The following SCD5 variants were observed in gnomAD, a reference collection of about 807,000 sequenced individuals.
SCD5 encodes the protein stearoyl-CoA desaturase 5.
Under a neutral mutation model 30.4 loss-of-function variants are expected in SCD5, and 20 were observed. That is an observed-to-expected ratio of 0.66 (90% CI 0.46 to 0.96). The LOEUF (loss-of-function observed/expected upper bound fraction) is 0.96. Among genes scored for constraint, SCD5 ranks in the 40% least tolerant of loss-of-function variants. The pLI is 0.00. For synonymous variants in SCD5, 173 were observed against 176.4 expected (o/e 0.98, Z 0.16); for missense variants, 381 against 443.3 (o/e 0.86, Z 1.26).
chr4:82,696,841 A>G (rs1719707097), intron 2 of SCD5, among the ~76,000 whole-genome samples: 1 of 152,222 alleles, frequency 6.6e-6, no homozygotes, highest in Admixed American at 6.5e-5. Context: ...ACAGGGAGAA[A>G]TGACTTGTCA....
chr4:82,735,668 C>G (rs1319815707), intron 1 of SCD5, among the ~76,000 whole-genome samples: 1 of 152,222 alleles, frequency 6.6e-6, no homozygotes, highest in Non-Finnish European at 1.5e-5. Flanking sequence ...CACATGACTG[C>G]TGTCACTCAC....
chr4:82,700,814 AAAAAAAAAAAAG>A (rs1287720813), intron 2 of SCD5, among the ~76,000 whole-genome samples: 8 of 124,250 alleles, frequency 6.4e-5, no homozygotes, highest in African/African-American at 1.0e-4. Flanking sequence ...AAAAAAAAAA[AAAAAAAAAAAAG>A]ACATTCTCAG....
chr4:82,633,441 A>G (rs1275476472), intron 4 of SCD5, among the ~76,000 whole-genome samples: 1 of 152,220 alleles, frequency 6.6e-6, no homozygotes, highest in Non-Finnish European at 1.5e-5. Flanking sequence ...CTGTTTAAAC[A>G]TGGGAGTATA....
At chr4:82,699,135 C>T (rs547724352) in intron 2 of SCD5, among the ~76,000 whole-genome samples, 5 of 152,176 alleles carry the variant, frequency 3.3e-5, no homozygotes, top group African/African-American at 9.6e-5. Flanking sequence ...ATCTTAAAAC[C>T]ATCCCCCCAC....
chr4:82,723,721 C>T (rs1035682556), intron 1 of SCD5, among the ~76,000 whole-genome samples: 3 of 152,262 alleles, frequency 2.0e-5, no homozygotes, highest in East Asian at 1.9e-4. Context: ...AGACTCACCT[C>T]GCAGTTTACA....
At chr4:82,703,912 TC>T (rs1719912771) in intron 2 of SCD5, among the ~76,000 whole-genome samples, 1 of 152,090 alleles carries the variant, frequency 6.6e-6, no homozygotes, top group Non-Finnish European at 1.5e-5. Flanking sequence ...ATGGCTGAAG[TC>T]AAAATAAAGT....
At chr4:82,732,304 T>C (rs945175392) in intron 1 of SCD5, among the ~76,000 whole-genome samples, 3 of 152,106 alleles carry the variant, frequency 2.0e-5, no homozygotes, top group Non-Finnish European at 4.4e-5. Context: ...AGGCCAAACC[T>C]GTCTCGAACT....
At chr4:82,741,435 C>A (rs10019834) in intron 1 of SCD5, among the ~76,000 whole-genome samples, 90,239 of 151,898 alleles carry the variant, frequency 0.59, 27,159 homozygotes, top group South Asian at 0.76. Flanking sequence ...AGCCATGAGA[C>A]AGAAAACCAA....
intron 3 of SCD5, among the ~76,000 whole-genome samples, chr4:82,659,441 C>T (rs543304683): frequency 6.6e-6 from 1 of 152,290 alleles, no homozygotes; most frequent in East Asian, 1.9e-4. Flanking sequence ...AATTTTAGAT[C>T]TTTCCTGCTT....
chr4:82,685,441 G>A (rs1211560089), intron 2 of SCD5, among the ~76,000 whole-genome samples: 1 of 152,068 alleles, frequency 6.6e-6, no homozygotes, highest in African/African-American at 2.4e-5. Flanking sequence ...GGCTGGGCAC[G>A]GTGGCTCATG....
chr4:82,769,890 C>CT (rs1267728336), intron 1 of SCD5, among the ~76,000 whole-genome samples: 2 of 151,922 alleles, frequency 1.3e-5, no homozygotes, highest in South Asian at 2.1e-4. Context: ...ATTCTTGCAA[C>CT]TTTTTTATAA....
At chr4:82,726,558 G>GTT (rs11382675) in intron 1 of SCD5, among the ~76,000 whole-genome samples, 19,653 of 146,474 alleles carry the variant, frequency 0.13, 1,934 homozygotes, top group African/African-American at 0.27. Flanking sequence ...GAAAGCAGCT[G>GTT]TTTTTTTTTT....
intron 1 of SCD5, among the ~76,000 whole-genome samples, chr4:82,746,223 A>G (rs1295159142): frequency 6.6e-6 from 1 of 152,248 alleles, no homozygotes; most frequent in Non-Finnish European, 1.5e-5. Flanking sequence ...ACTGAATTAG[A>G]AAACTATGGA....
chr4:82,797,639 G>T (rs1722252907), intron 1 of SCD5, among the ~76,000 whole-genome samples: 1 of 152,066 alleles, frequency 6.6e-6, no homozygotes, highest in Admixed American at 6.5e-5. Context: ...GGGTCAGACC[G>T]CTCTCGCCAT....
chr4:82,796,167 G>A (rs1722212903), intron 1 of SCD5, among the ~76,000 whole-genome samples: 1 of 151,986 alleles, frequency 6.6e-6, no homozygotes, highest in African/African-American at 2.4e-5. Flanking sequence ...CTACTTGGGA[G>A]GCTGAAGCAG....
chr4:82,770,266 T>C (rs1404159030), intron 1 of SCD5, among the ~76,000 whole-genome samples: 3 of 152,194 alleles, frequency 2.0e-5, no homozygotes, highest in Non-Finnish European at 2.9e-5. Flanking sequence ...TTCCCACTTA[T>C]GAGTGAGAAC....
At chr4:82,699,246 T>C (rs1292500895) in intron 2 of SCD5, among the ~76,000 whole-genome samples, 2 of 152,220 alleles carry the variant, frequency 1.3e-5, no homozygotes, top group Admixed American at 6.5e-5. Flanking sequence ...GGGTGACTTC[T>C]GGAGTCCAGA....
intron 1 of SCD5, among the ~76,000 whole-genome samples, chr4:82,712,287 T>C (rs867349231): frequency 1.7e-3 from 80 of 46,280 alleles, no homozygotes; most frequent in African/African-American, 4.0e-3. Context: ...TATATATATA[T>C]ATATATATAT....
At chr4:82,710,481 C>A (rs934059797) in intron 1 of SCD5, among the ~76,000 whole-genome samples, 4 of 152,150 alleles carry the variant, frequency 2.6e-5, no homozygotes, top group African/African-American at 7.2e-5. Context: ...GCCCCCTAGG[C>A]TCTCAGCTGC....
Sources: allele counts gnomAD v4.1 joint callset (sites outside exome capture counted in the v4.1 genomes callset), GRCh38; gene constraint gnomAD v4.1.1; transcripts MANE v1.5; gene names NCBI Gene and HGNC (gene_info 2026-07-23, HGNC 2026-07-21).